Variants in ZNF770 observed in about 807,000 individuals in gnomAD.
ZNF770 encodes zinc finger protein 770.
ZNF770 carries 13 observed loss-of-function variants against 44.8 expected under a neutral mutation model. The observed-to-expected ratio is 0.29, with a 90% CI of 0.19 to 0.46. ZNF770 has a LOEUF of 0.46. Among genes scored for constraint, ZNF770 ranks in the 20% least tolerant of loss-of-function variants. The probability of loss-of-function intolerance (pLI) is 1.00; values close to 1 mark genes in which losing one functional copy is unlikely to be tolerated. For synonymous variants in ZNF770, 304 were observed against 271.8 expected (o/e 1.12, Z -1.17); for missense variants, 681 against 797.9 (o/e 0.85, Z 1.77).
chr15:34,979,527 T>C lies in ZNF770; in HGVS notation c.*1832A>G, dbSNP rs767643578. ...TTGCTGGATGTCTGTATCTACATAA[T>C]AAACAGGCACACTTCTACATCACTG... On this transcript the variant is annotated 3_prime_UTR_variant, in exon 3 of 3. Coordinates refer to ENST00000356321, the MANE Select transcript of ZNF770 (RefSeq NM_014106.4). 20 of 361,322 alleles carry C rather than the reference T, an allele frequency of 5.5e-5. No individual in the cohort carries two copies. Among genetic ancestry groups the C allele is most frequent in the Non-Finnish European group, 9.8e-5 (18 of 182,826 alleles). 22.4% of individuals were successfully genotyped at this position (361,322 alleles called of 1,614,324 possible). A position where few individuals can be genotyped will look rare whatever the true frequency, so the allele number is the denominator to read the frequency against.
rs112044273 is a variant in ZNF770 at position 34,981,710 on chromosome 15, A to G, written c.1725T>C (p.Asp575=). 6.2e-7 allele frequency: 1 copy of G among 1,614,094 alleles called. No homozygotes were observed. The change falls in exon 3 of 3, where the codon GAT becomes GAC. Residue 575 remains aspartate (D), a synonymous_variant. Transcript: ENST00000356321. ...GVQKYEVSES[D]QMSGVKAESQ... ...ACTCTGCCTTAACTCCTGACATTTG[A>G]TCTGACTCTGAGACCTCGTATTTTT... is the stretch of plus-strand genomic sequence containing the variant.
At chr15:34,986,297 C>A (rs1044548359) in intron 2 of ZNF770, among the ~76,000 whole-genome samples, 2 of 152,092 alleles carry the variant, frequency 1.3e-5, no homozygotes, top group Non-Finnish European at 2.9e-5. Flanking sequence ...TGACTGTAAG[C>A]CAGTATAGTA....
rs1050150547 is a variant in ZNF770 at position 34,980,006 on chromosome 15, T to C, written c.*1353A>G. On this transcript the variant is annotated 3_prime_UTR_variant, in exon 3 of 3. Coordinates refer to ENST00000356321, the MANE Select transcript of ZNF770 (RefSeq NM_014106.4). ...TATCCCTCTACAGGAATGACTACCTTATTAATTAAAATAAAAATTTAACAA... is the reference window on the plus strand; with the variant it reads ...TATCCCTCTACAGGAATGACTACCTCATTAATTAAAATAAAAATTTAACAA... The C allele has an allele frequency of 6.4e-6, 1 of 156,392 alleles. No homozygotes were observed. Among genetic ancestry groups the C allele is most frequent in the Non-Finnish European group, 1.4e-5 (1 of 70,438 alleles). 9.7% of individuals were successfully genotyped at this position (156,392 alleles called of 1,614,324 possible). A position where few individuals can be genotyped will look rare whatever the true frequency, so the allele number is the denominator to read the frequency against.
rs1197360337 is a variant in ZNF770 at position 34,981,085 on chromosome 15, T to A, written c.*274A>T. The A allele has an allele frequency of 5.5e-6, 2 of 365,370 alleles. No individual in the cohort carries two copies. Among genetic ancestry groups the A allele is most frequent in the African/African-American group, 4.2e-5 (2 of 47,186 alleles). The allele number at this position is 365,370 out of a possible 1,614,324, so 22.6% of individuals were successfully genotyped here. ...AATTATTTGTACAGCCATCATGGAT[T>A]TATATTTTTCAATACAGCCAAAGTA... On this transcript the variant is annotated 3_prime_UTR_variant, in exon 3 of 3. Transcript: ENST00000356321.
chr15:34,982,258 C>G lies in ZNF770; in HGVS notation c.1177G>C (p.Gly393Arg), dbSNP rs1292351516. Reference sequence around the variant, plus strand: ...CTATTGCCAATTGTTTTATATGTTCCATGTTTGCCAAGAGAACCCACAAAT... The same window carrying G: ...CTATTGCCAATTGTTTTATATGTTCGATGTTTGCCAAGAGAACCCACAAAT... ...RTFVGSLGKHGTYKTIGNRKK... is the reference protein window; with the variant it reads ...RTFVGSLGKHRTYKTIGNRKK... The change falls in exon 3 of 3, where the codon GGA becomes CGA. Residue 393 changes from glycine (G) to arginine (R), a missense_variant. Gly to Arg is a moderately radical substitution (Grantham distance 125). Transcript: ENST00000356321. The G allele has an allele frequency of 1.2e-6, 2 of 1,613,702 alleles. No individual in the cohort carries two copies. Among genetic ancestry groups the G allele is most frequent in the African/African-American group, 2.7e-5 (2 of 74,866 alleles).
At position 34,982,012 on chromosome 15, in the gene ZNF770, A is replaced by G. The variant is rs758350614; in HGVS notation, c.1423T>C (p.Cys475Arg). ...RENIRTRHKI[C>R]PCDKCEKVFP... ...ACCTTCTCACATTTGTCACAAGGAC[A>G]TATCTTATGTCTAGTACGTATGTTT... Residue 475 changes from cysteine to arginine, a missense_variant, in exon 3 of 3, where the codon TGT becomes CGT. Physicochemically the swap from Cys to Arg is radical, Grantham distance 180 (BLOSUM62 -3). Around this residue, in one of 5 missense-constraint regions of ZNF770, gnomAD observed 432 missense variants for 434.1 expected, o/e 1.00. Coordinates refer to ENST00000356321, the MANE Select transcript of ZNF770 (RefSeq NM_014106.4). The G allele has an allele frequency of 1.3e-5, 21 of 1,613,632 alleles. No individual in the cohort carries two copies. The highest frequency in any genetic ancestry group is 2.2e-5 in the South Asian group (2 of 91,008).
At chr15:34,984,244 A>C (rs2050421031) in intron 2 of ZNF770, among the ~76,000 whole-genome samples, 1 of 152,248 alleles carries the variant, frequency 6.6e-6, no homozygotes, top group Non-Finnish European at 1.5e-5. Context: ...GCAATACATA[A>C]ATCTAAGGAA....
At position 34,981,482 on chromosome 15, in the gene ZNF770, T is replaced by C. The variant is rs1262615303; in HGVS notation, c.1953A>G (p.Lys651=). Residue 651 remains lysine (K), a synonymous_variant, in exon 3 of 3, where the codon AAA becomes AAG. Transcript: ENST00000356321. The stretch of plus-strand genomic sequence containing the variant: ...TGCCACAAACTGAGCATTCAAATGG[T>C]TTCTGCCCTGCATGAATTAGGTAGT... The part of the protein sequence containing the change: ...ERHYLIHAGQ[K]PFECSVCGKT... 1 of 1,614,226 alleles carries C rather than the reference T, an allele frequency of 6.2e-7. No individual in the cohort carries two copies. Among genetic ancestry groups the C allele is most frequent in the Admixed American group, 1.7e-5 (1 of 60,024 alleles).
chr15:34,982,113 G>A lies in ZNF770; in HGVS notation c.1322C>T (p.Ser441Leu), dbSNP rs139195968. 1.8e-5 allele frequency: 29 copies of A among 1,613,824 alleles called. No homozygotes were observed. The highest frequency in any genetic ancestry group is 9.3e-5 in the African/African-American group (7 of 74,920). ...IDNSVNKKDLSICGSSGEEFF... is the reference protein window; with the variant it reads ...IDNSVNKKDLLICGSSGEEFF... ...TTCCTCACCTGATGAACCACAGATT[G>A]ACAAGTCTTTCTTATTCACTGAATT... is the stretch of plus-strand genomic sequence containing the variant. The change falls in exon 3 of 3, where the codon TCA becomes TTA. Residue 441 changes from serine (S) to leucine (L), a missense_variant. This residue lies in a region of ZNF770 where 432 missense variants were observed against 434.1 expected (regional missense o/e 1.00). Coordinates refer to ENST00000356321, the MANE Select transcript of ZNF770 (RefSeq NM_014106.4).
chr15:34,982,056 C>G lies in ZNF770; in HGVS notation c.1379G>C (p.Gly460Ala). The G allele has an allele frequency of 1.2e-6, 2 of 1,613,694 alleles. No individual in the cohort carries two copies. Among genetic ancestry groups the G allele is most frequent in the Non-Finnish European group, 1.7e-6 (2 of 1,179,986 alleles). Residue 460 changes from glycine (G) to alanine (A), a missense_variant, in exon 3 of 3, where the codon GGT becomes GCT. Coordinates refer to ENST00000356321, the MANE Select transcript of ZNF770 (RefSeq NM_014106.4). ...FFNNCEVLQC[G>A]FSVPRENIRT... ...TATGTTTTCCCTTGGAACTGAAAAA[C>G]CACACTGAAGTACCTCACAGTTATT...
rs531359709 is a variant in ZNF770 at position 34,981,971 on chromosome 15, G to A, written c.1464C>T (p.Ser488=). The A allele has an allele frequency of 8.1e-6, 13 of 1,613,716 alleles. No homozygotes were observed. Among genetic ancestry groups the A allele is most frequent in the African/African-American group, 8.0e-5 (6 of 74,982 alleles). Residue 488 remains serine (S), a synonymous_variant, in exon 3 of 3, where the codon TCC becomes TCT. Coordinates refer to ENST00000356321, the MANE Select transcript of ZNF770 (RefSeq NM_014106.4). Reference sequence around the variant, plus strand: ...GAATTAAATAGTGTCTTTTTAGTTTGGATATAGAAGGAAATACCTTCTCAC... The same window carrying A: ...GAATTAAATAGTGTCTTTTTAGTTTAGATATAGAAGGAAATACCTTCTCAC... ...DKCEKVFPSI[S]KLKRHYLIHT...
chr15:34,985,534 C>T (rs1056044190), intron 2 of ZNF770, among the ~76,000 whole-genome samples: 8 of 152,068 alleles, frequency 5.3e-5, no homozygotes, highest in African/African-American at 1.9e-4. Flanking sequence ...TTTCAAACTG[C>T]AGGATATTAC....
intron 2 of ZNF770, among the ~76,000 whole-genome samples, 195 bp downstream of exon 2, chr15:34,987,362 C>G (rs2050441708): frequency 6.6e-6 from 1 of 152,210 alleles, no homozygotes; most frequent in Non-Finnish European, 1.5e-5. Context: ...GGATCCTCAC[C>G]TCACGCACTC....
rs751521247 is a variant in ZNF770 at position 34,981,408 on chromosome 15, AAGTG to A, written c.2023_2026del (p.His675LeufsTer12). 4 of 1,613,744 alleles carry A rather than the reference AAGTG, an allele frequency of 2.5e-6. No individual in the cohort carries two copies. The highest frequency in any genetic ancestry group is 3.4e-6 in the Non-Finnish European group (4 of 1,180,022). On this transcript the variant is annotated frameshift_variant, in exon 3 of 3. Transcript: ENST00000356321. LOFTEE classifies it high-confidence loss of function. The stretch of plus-strand genomic sequence containing the variant: ...CACTTTCCCTTGTGGTCGTTCTTTA[AAGTG>A]AGTAAGCTGATGTCTCTTCCAGTGA...
At chr15:34,985,753 G>C (rs1407702797) in intron 2 of ZNF770, among the ~76,000 whole-genome samples, 1 of 152,092 alleles carries the variant, frequency 6.6e-6, no homozygotes, top group African/African-American at 2.4e-5. Context: ...AATTAGCTGA[G>C]TGTGGTGGTA....
At chr15:34,985,882 G>C (rs1254618239) in intron 2 of ZNF770, among the ~76,000 whole-genome samples, 1 of 151,988 alleles carries the variant, frequency 6.6e-6, no homozygotes, top group Non-Finnish European at 1.5e-5. Context: ...GGGAGACAGA[G>C]CAAGACTCTC....
rs200692827 is a variant in ZNF770, at chr15:34,982,693, A to T, written c.742T>A (p.Leu248Ile). The T allele has an allele frequency of 2.9e-5, 46 of 1,612,730 alleles. No homozygotes were observed. Among genetic ancestry groups the T allele is most frequent in the East Asian group, 2.5e-4 (11 of 44,882 alleles). Residue 248 changes from leucine to isoleucine, a missense_variant, in exon 3 of 3, where the codon TTA becomes ATA. Physicochemically the swap from Leu to Ile is conservative, Grantham distance 5. Around this residue, in one of 5 missense-constraint regions of ZNF770, gnomAD observed 432 missense variants for 434.1 expected, o/e 1.00. Coordinates refer to ENST00000356321, the MANE Select transcript of ZNF770 (RefSeq NM_014106.4). The stretch of plus-strand genomic sequence containing the variant: ...GATTCTGTACGCCTCTTCTTTAATA[A>T]AAGAGCCCGAAAAGCCTTATTCCTA... The part of the protein sequence containing the change: ...HTRNKAFRAL[L>I]LKKRRTESRP...
At position 34,978,626 on chromosome 15, in the gene ZNF770, TA is replaced by T. The variant is rs2050381804; in HGVS notation, c.*2732del. The T allele has an allele frequency of 6.6e-6, 1 of 152,192 alleles. No individual in the cohort carries two copies. Among genetic ancestry groups the T allele is most frequent in the Admixed American group, 6.5e-5 (1 of 15,270 alleles). 9.4% of individuals were successfully genotyped at this position (152,192 alleles called of 1,614,324 possible). ...ACCAAAGTAATTGATTCAACAATAC[TA>T]ACAGTTCTAGCATGCAACAAACCAT... On this transcript the variant is annotated 3_prime_UTR_variant, in exon 3 of 3. Coordinates refer to ENST00000356321, the MANE Select transcript of ZNF770 (RefSeq NM_014106.4).
rs2050396595 is a variant in ZNF770 at position 34,980,834 on chromosome 15, GTC to G, written c.*523_*524del. ...TGTCTCATCCATTTTCACCTTTAGTGTCTCTGTAGTTTTTTTAACTTACAAAA... is the reference window on the plus strand; with the variant it reads ...TGTCTCATCCATTTTCACCTTTAGTGTCTGTAGTTTTTTTAACTTACAAAA... On this transcript the variant is annotated 3_prime_UTR_variant, in exon 3 of 3. Transcript: ENST00000356321. The G allele has an allele frequency of 7.1e-6, 1 of 140,266 alleles. No individual in the cohort carries two copies. Among genetic ancestry groups the G allele is most frequent in the Non-Finnish European group, 1.5e-5 (1 of 66,954 alleles). The allele number at this position is 140,266 out of a possible 1,614,324, so 8.7% of individuals were successfully genotyped here.
Sources: gnomAD v4.1 joint callset for allele counts (sites outside exome capture counted in the v4.1 genomes callset) on GRCh38, gnomAD v4.1.1 for gene constraint, gnomAD v4.1.1 regional missense constraint, MANE v1.5 for transcripts, NCBI Gene and HGNC (gene_info 2026-07-23, HGNC 2026-07-21) for gene names.